The following RNF125 variants were observed in gnomAD, a reference collection of about 807,000 sequenced individuals.
RNF125 encodes the protein ring finger protein 125.
A neutral mutation model predicts 26.0 loss-of-function variants in RNF125; 21 were observed. That is an observed-to-expected ratio of 0.81 (90% CI 0.57 to 1.16). The LOEUF (loss-of-function observed/expected upper bound fraction) is 1.16. Among genes scored for constraint, RNF125 ranks in the 50% most tolerant of loss-of-function variants. RNF125 has a pLI of 0.00. For synonymous variants in RNF125, 95 were observed against 109.2 expected (o/e 0.87, Z 0.81); for missense variants, 270 against 299.4 (o/e 0.90, Z 0.72).
downstream of RNF125, among the ~76,000 whole-genome samples, chr18:32,077,334 ATTTTTTTT>A (rs552701343): frequency 1.0e-4 from 11 of 107,868 alleles, no homozygotes; most frequent in African/African-American, 3.5e-4. Flanking sequence ...CCCTCTCCCC[ATTTTTTTT>A]TTTTTTTTTT....
intron 1 of RNF125, among the ~76,000 whole-genome samples, chr18:32,022,314 T>C (rs1331151728): frequency 1.3e-5 from 2 of 152,234 alleles, no homozygotes; most frequent in South Asian, 4.1e-4. Flanking sequence ...CAGTAGTAAC[T>C]GGCCCTTACA....
intron 5 of RNF125, among the ~76,000 whole-genome samples, chr18:32,067,541 T>C (rs1301336976): frequency 6.6e-6 from 1 of 152,238 alleles, no homozygotes; most frequent in Non-Finnish European, 1.5e-5. Context: ...TTTTATTCCT[T>C]GTAGCAACTT....
chr18:32,040,045 C>T (rs1286055689), intron 2 of RNF125, among the ~76,000 whole-genome samples: 1 of 151,962 alleles, frequency 6.6e-6, no homozygotes, highest in Non-Finnish European at 1.5e-5. Context: ...TCCCAAAGTG[C>T]TAGGATTACA....
At chr18:32,042,148 G>T in intron 2 of RNF125, 31 bp from the exon 3 acceptor site, 1 of 1,515,056 alleles carries the variant, frequency 6.6e-7, no homozygotes, top group East Asian at 2.3e-5. Flanking sequence ...TTTTTTAACA[G>T]TGAGTTTATT....
At chr18:32,065,205 C>A (rs2039472781) in intron 4 of RNF125, among the ~76,000 whole-genome samples, 1 of 151,958 alleles carries the variant, frequency 6.6e-6, no homozygotes, top group Non-Finnish European at 1.5e-5. Context: ...GAATGGTTAC[C>A]TGTTGTTGTT....
chr18:32,033,358 C>T (rs1486818002), intron 1 of RNF125, among the ~76,000 whole-genome samples: 1 of 152,076 alleles, frequency 6.6e-6, no homozygotes, highest in Non-Finnish European at 1.5e-5. Flanking sequence ...AACCCCTCCT[C>T]TAGTACTAAA....
At chr18:32,034,368 A>C (rs1266568150) in intron 1 of RNF125, among the ~76,000 whole-genome samples, 1 of 152,140 alleles carries the variant, frequency 6.6e-6, no homozygotes, top group Non-Finnish European at 1.5e-5. Context: ...GCGGGACATA[A>C]GCCCTGGGTA....
In RNF125 at chr18:32,037,179, G is replaced by A. The variant is rs749593903; in HGVS notation, c.228G>A (p.Arg76=). 1 of 1,605,798 alleles carries A rather than the reference G, an allele frequency of 6.2e-7. No homozygotes were observed. Among genetic ancestry groups the A allele is most frequent in the Admixed American group, 1.7e-5 (1 of 57,900 alleles). Residue 76 remains arginine (R), a synonymous_variant, in exon 2 of 6, where the codon CGG becomes CGA. Transcript: ENST00000217740. ...KNNKWTCPYC[R]AYLPSEGVPA... ...ACAAGTGGACCTGTCCTTATTGCCG[G>A]GCATATCTTCCTTCAGAAGGAGTTC...
intron 1 of RNF125, 45 bp from the exon 2 acceptor site, chr18:32,037,071 A>G (rs1308367010): frequency 6.5e-7 from 1 of 1,544,506 alleles, no homozygotes; most frequent in Non-Finnish European, 8.7e-7. Flanking sequence ...GTGGCTCCTT[A>G]TAGCTTTCAA....
chr18:32,053,768 TAAAAA>T (rs544167942), intron 4 of RNF125, among the ~76,000 whole-genome samples: 1 of 146,206 alleles, frequency 6.8e-6, no homozygotes, highest in South Asian at 2.2e-4. Flanking sequence ...AACCCTGTCT[TAAAAA>T]AAAAAAATAG....
the RNF125 span, among the ~76,000 whole-genome samples, chr18:32,079,543 G>A: frequency 9.7e-4 from 147 of 152,310 alleles, 1 homozygote; most frequent in African/African-American, 3.3e-3. Context: ...AAGCAGCCCT[G>A]TGTCTAAATT....
At chr18:32,028,586 CTT>C (rs71177830) in intron 1 of RNF125, among the ~76,000 whole-genome samples, 268 of 127,632 alleles carry the variant, frequency 2.1e-3, no homozygotes, top group African/African-American at 4.4e-3. Flanking sequence ...ATTTTGTTTC[CTT>C]TTTTTTTTTT....
rs1488065472 is a variant in RNF125, at chr18:32,050,887, T to C, written c.504+5155T>C. Among the ~76,000 whole-genome samples, 370 of 128,586 alleles carry C rather than the reference T, an allele frequency of 2.9e-3. 5 individuals carry two copies. The highest frequency in any genetic ancestry group is 0.011 in the African/African-American group (358 of 31,948). The allele number at this position is 128,586 out of a possible 152,430, so 84.4% of individuals were successfully genotyped here. A position where few individuals can be genotyped will look rare whatever the true frequency, so the allele number is the denominator to read the frequency against. ...GTGCTTTTTTTTTTTTTTTTTTTTT[T>C]TTTTTTTTTTTTGAAGAGACGGTGT... On this transcript the variant is annotated intron_variant, in intron 4 of 5. Transcript: ENST00000217740.
At chr18:32,039,239 C>CA (rs2039192540) in intron 2 of RNF125, among the ~76,000 whole-genome samples, 1 of 151,502 alleles carries the variant, frequency 6.6e-6, no homozygotes, top group South Asian at 2.1e-4. Flanking sequence ...TACTAAAAAT[C>CA]AAAAAAATTA....
At chr18:32,086,805 C>T in the RNF125 span, among the ~76,000 whole-genome samples, 1 of 152,136 alleles carries the variant, frequency 6.6e-6, no homozygotes, top group Non-Finnish European at 1.5e-5. Flanking sequence ...AGGTATGAGC[C>T]ACCATGCCTG....
intron 4 of RNF125, among the ~76,000 whole-genome samples, chr18:32,046,797 T>C (rs537289930): frequency 6.6e-5 from 10 of 152,308 alleles, no homozygotes; most frequent in African/African-American, 2.4e-4. Flanking sequence ...CTTGGCGTTT[T>C]AGTTCTTCTT....
At position 32,026,396 on chromosome 18, in the gene RNF125, G is replaced by T. The variant is rs143898623; in HGVS notation, c.164+7369G>T. ...CCCGAGTAGCTGGGACTACGAGGGT[G>T]TGCCACCACACCCACCTAATTTTTG... On this transcript the variant is annotated intron_variant, in intron 1 of 5. Transcript: ENST00000217740. Among the ~76,000 whole-genome samples, 56 of 152,020 alleles carry T rather than the reference G, an allele frequency of 3.7e-4. No homozygotes were observed. In the East Asian group the frequency reaches 0.01, roughly 28 times the overall value.
chr18:32,057,466 C>G (rs1036112815), intron 4 of RNF125, among the ~76,000 whole-genome samples: 2 of 151,698 alleles, frequency 1.3e-5, no homozygotes, highest in Non-Finnish European at 2.9e-5. Flanking sequence ...TCCCGAGTAG[C>G]TGGGATTATA....
In RNF125 at chr18:32,071,762, A is replaced by C. The variant is rs1353875936; in HGVS notation, c.*3378A>C. ...ATTGGGAAAATGTAAAGCTGAATGA[A>C]ATCTAGTGAGCCTCATATCCTCCCT... On this transcript the variant is annotated 3_prime_UTR_variant, in exon 6 of 6. Coordinates refer to ENST00000217740, the MANE Select transcript of RNF125 (RefSeq NM_017831.4). 2 of 152,208 alleles carry C rather than the reference A, an allele frequency of 1.3e-5. No individual in the cohort carries two copies. The highest frequency in any genetic ancestry group is 2.4e-5 in the African/African-American group (1 of 41,456). 9.4% of individuals were successfully genotyped at this position (152,208 alleles called of 1,614,324 possible). A position where few individuals can be genotyped will look rare whatever the true frequency, so the allele number is the denominator to read the frequency against.
Sources: gnomAD v4.1 joint callset for allele counts (sites outside exome capture counted in the v4.1 genomes callset) on GRCh38, gnomAD v4.1.1 for gene constraint, MANE v1.5 for transcripts, NCBI Gene and HGNC (gene_info 2026-07-23, HGNC 2026-07-21) for gene names.